The following ARHGEF7 variants were observed in gnomAD, a reference collection of about 807,000 sequenced individuals.
ARHGEF7 encodes Rho guanine nucleotide exchange factor 7, also known as PAK-interacting exchange factor beta.
ARHGEF7 carries 33 observed loss-of-function variants against 109.8 expected under a neutral mutation model. That is an observed-to-expected ratio of 0.30 (90% confidence interval 0.23 to 0.40). The LOEUF is 0.40. ARHGEF7 is among the 10% of genes least tolerant of loss of function. The pLI is 1.00. For missense variants in ARHGEF7, 938 were observed against 1,098.5 expected (o/e 0.85, Z 2.07); for synonymous variants, 458 against 424.6 (o/e 1.08, Z -0.97).
chr13:111,207,018 T>C (rs948038465), intron 3 of ARHGEF7, among the ~76,000 whole-genome samples: 2 of 146,878 alleles, frequency 1.4e-5, no homozygotes, highest in African/African-American at 5.1e-5. Flanking sequence ...AAGTTATGGA[T>C]GACATTGAAA....
chr13:111,151,681 C>T (rs796090370), intron 1 of ARHGEF7, among the ~76,000 whole-genome samples: 6 of 152,248 alleles, frequency 3.9e-5, no homozygotes, highest in African/African-American at 1.4e-4. Flanking sequence ...AACTCATGCC[C>T]GAACAAAGCT....
At position 111,138,041 on chromosome 13, in the gene ARHGEF7, C is replaced by T. The variant is rs1020899361; in HGVS notation, c.166-15864C>T. Among the ~76,000 whole-genome samples, 5 of 152,240 alleles carry T rather than the reference C, an allele frequency of 3.3e-5. No individual in the cohort carries two copies. The South Asian group carries it at 6.2e-4, about 19-fold the overall frequency. On this transcript the variant is annotated intron_variant, in intron 1 of 21. Transcript: ENST00000646102. ...TCAAAAACACAGCTGGGGCCAGGCA[C>T]GGTGGCTCACGCCTGTAATCCCAGC... is the stretch of plus-strand genomic sequence containing the variant.
chr13:111,279,316 T>C (rs1377188536), intron 13 of ARHGEF7, among the ~76,000 whole-genome samples: 1 of 152,036 alleles, frequency 6.6e-6, no homozygotes, highest in Non-Finnish European at 1.5e-5. Flanking sequence ...GGATCGTTCA[T>C]GGCCAGGGGC....
chr13:111,243,918 T>C lies in ARHGEF7; in HGVS notation c.806T>C (p.Leu269Pro). 1 of 1,613,402 alleles carries C rather than the reference T, an allele frequency of 6.2e-7. No individual in the cohort carries two copies. Among genetic ancestry groups the C allele is most frequent in the African/African-American group, 1.3e-5 (1 of 75,042 alleles). ...LETENEYSKE[L>P]QTVLSTYLRP... ...ACAGAAAATGAATATTCTAAAGAAC[T>C]TCAGACTGTGCTTTCAACGTACCTA... The change falls in exon 7 of 22, where the codon CTT becomes CCT. Residue 269 changes from leucine (L) to proline (P), a missense_variant. Leu to Pro is a moderately conservative substitution (Grantham distance 98, BLOSUM62 -3). Around this residue, in one of 4 missense-constraint regions of ARHGEF7, gnomAD observed 585 missense variants for 723.6 expected, o/e 0.81. Coordinates refer to ENST00000646102, the MANE Select transcript of ARHGEF7 (RefSeq NM_001354046.2).
intron 2 of ARHGEF7, among the ~76,000 whole-genome samples, chr13:111,170,010 G>A (rs559027023): frequency 1.2e-3 from 174 of 150,614 alleles, no homozygotes; most frequent in Admixed American, 2.3e-3. Context: ...CAGAGGTGAC[G>A]CTTTTAGAGA....
At chr13:111,224,727 A>G (rs2084952362) in intron 5 of ARHGEF7, among the ~76,000 whole-genome samples, 3 of 152,178 alleles carry the variant, frequency 2.0e-5, no homozygotes, top group Admixed American at 2.0e-4. Flanking sequence ...TGTCGTTATT[A>G]ATTTAGCTGT....
At chr13:111,211,007 T>C (rs1434413333) in intron 4 of ARHGEF7, among the ~76,000 whole-genome samples, 1 of 152,186 alleles carries the variant, frequency 6.6e-6, no homozygotes, top group East Asian at 1.9e-4. Context: ...TGGAAAGATA[T>C]GCGAGGAATG....
chr13:111,221,388 G>GCTATATAT (rs1443202872), intron 5 of ARHGEF7, among the ~76,000 whole-genome samples: 2 of 12,932 alleles, frequency 1.5e-4, no homozygotes, highest in African/African-American at 4.3e-4. Context: ...TATATATATA[G>GCTATATAT]ATGTCTATAT....
chr13:111,181,038 T>G (rs2078683042), intron 2 of ARHGEF7, among the ~76,000 whole-genome samples: 1 of 152,190 alleles, frequency 6.6e-6, no homozygotes, highest in Non-Finnish European at 1.5e-5. Flanking sequence ...TTGGAGCAGG[T>G]GAATGGCCAC....
chr13:111,226,620 T>A (rs1052788683), intron 5 of ARHGEF7, among the ~76,000 whole-genome samples: 5 of 152,240 alleles, frequency 3.3e-5, no homozygotes, highest in East Asian at 3.8e-4. Flanking sequence ...CCCTTGAGCA[T>A]GTTACTGCTT....
intron 1 of ARHGEF7, 101 bp downstream of exon 1, chr13:111,115,792 G>T: frequency 1.5e-6 from 1 of 645,896 alleles, no homozygotes; most frequent in Non-Finnish European, 2.0e-6. Flanking sequence ...CGGGAAACCC[G>T]TGCGCCCTCC....
At chr13:111,202,775 T>C (rs1467651553) in intron 2 of ARHGEF7, among the ~76,000 whole-genome samples, 1 of 152,254 alleles carries the variant, frequency 6.6e-6, no homozygotes, top group Non-Finnish European at 1.5e-5. Flanking sequence ...CTGTTTCTGT[T>C]TTTTGTTGAA....
chr13:111,123,864 C>CT lies in ARHGEF7; in HGVS notation c.165+8173_165+8174insT, dbSNP rs1491100047. Among the ~76,000 whole-genome samples the CT allele has an allele frequency of 2.5e-3, 81 of 32,810 alleles. 1 individual carries two copies. Among genetic ancestry groups the CT allele is most frequent in the Non-Finnish European group, 4.8e-3 (65 of 13,668 alleles). The allele number at this position is 32,810 out of a possible 152,430, so 21.5% of individuals were successfully genotyped here. A position where few individuals can be genotyped will look rare whatever the true frequency, so the allele number is the denominator to read the frequency against. ...GCCATCGTTGGCTGGTGGGCTGCGC[C>CT]CCCCCCCCCCGGCCCCGCCCCCTGC... On this transcript the variant is annotated intron_variant, in intron 1 of 21. Coordinates refer to ENST00000646102, the MANE Select transcript of ARHGEF7 (RefSeq NM_001354046.2).
chr13:111,186,781 C>T, intron 2 of ARHGEF7: 2 of 984,302 alleles, frequency 2.0e-6, no homozygotes, highest in Non-Finnish European at 2.4e-6. Flanking sequence ...GCAACGCAGA[C>T]CACTAAAGCT....
At chr13:111,195,295 G>A (rs976704484) in intron 2 of ARHGEF7, among the ~76,000 whole-genome samples, 5 of 152,132 alleles carry the variant, frequency 3.3e-5, no homozygotes, top group African/African-American at 1.2e-4. Context: ...CCCCATATTC[G>A]TGTAGATAAT....
chr13:111,294,414 A>G (rs1421264934), intron 19 of ARHGEF7: 1 of 985,390 alleles, frequency 1.0e-6, no homozygotes, highest in African/African-American at 1.7e-5. Flanking sequence ...TTCCTTTAAT[A>G]CCAAGTATCA....
chr13:111,183,147 CAA>C (rs1411982761), intron 2 of ARHGEF7, among the ~76,000 whole-genome samples: 7 of 152,146 alleles, frequency 4.6e-5, no homozygotes, highest in African/African-American at 1.7e-4. Context: ...TGTAAATAGT[CAA>C]GAGTTAGAGG....
At chr13:111,162,476 C>G (rs570953106) in intron 2 of ARHGEF7, among the ~76,000 whole-genome samples, 32 of 152,298 alleles carry the variant, frequency 2.1e-4, no homozygotes, top group African/African-American at 7.2e-4. Flanking sequence ...CCACTCTGTA[C>G]AAGCTGGAGT....
intron 2 of ARHGEF7, among the ~76,000 whole-genome samples, chr13:111,190,810 A>G (rs972954557): frequency 6.6e-6 from 1 of 152,128 alleles, no homozygotes; most frequent in Non-Finnish European, 1.5e-5. Flanking sequence ...AGAAGAATAC[A>G]TCTTGGCTGG....
Sources: gnomAD v4.1 joint callset for allele counts (sites outside exome capture counted in the v4.1 genomes callset) on GRCh38, gnomAD v4.1.1 for gene constraint, gnomAD v4.1.1 regional missense constraint, MANE v1.5 for transcripts, NCBI Gene and HGNC (gene_info 2026-07-23, HGNC 2026-07-21) for gene names.